CFAP44: variants seen among roughly 807,000 people sequenced by gnomAD.
The protein encoded by CFAP44 is cilia and flagella associated protein 44.
A neutral mutation model predicts 216.2 loss-of-function variants in CFAP44; 134 were observed. That is an observed-to-expected ratio of 0.62 (90% CI 0.54 to 0.72). CFAP44 has a LOEUF of 0.72. Among genes scored for constraint, CFAP44 ranks in the 30% least tolerant of loss-of-function variants. The probability of loss-of-function intolerance (pLI) is 0.00; values close to 1 mark genes in which losing one functional copy is unlikely to be tolerated. For missense variants in CFAP44, 2,035 were observed against 2,182.1 expected, an observed-to-expected ratio of 0.93 and a Z score of 1.34; for synonymous variants, 700 against 727.6, an observed-to-expected ratio of 0.96 and a Z score of 0.61.
intron 2 of CFAP44, among the ~76,000 whole-genome samples, chr3:113,428,470 G>C (rs1935020739): frequency 6.6e-6 from 1 of 152,168 alleles, no homozygotes; most frequent in Admixed American, 6.5e-5. Context: ...AATCAAGCTG[G>C]CAAATCAACA....
chr3:113,309,504 T>C (rs1425072910), intron 28 of CFAP44, among the ~76,000 whole-genome samples: 1 of 152,172 alleles, frequency 6.6e-6, no homozygotes, highest in African/African-American at 2.4e-5. Context: ...GAATGATTTA[T>C]TTATAATATC....
At chr3:113,346,882 A>G (rs1249415641) in intron 22 of CFAP44, among the ~76,000 whole-genome samples, 2 of 152,172 alleles carry the variant, frequency 1.3e-5, no homozygotes, top group Non-Finnish European at 2.9e-5. Flanking sequence ...GCTCTTCACA[A>G]TAAATCTTGC....
At chr3:113,385,247 G>C (rs566852010) in intron 15 of CFAP44, among the ~76,000 whole-genome samples, 1 of 152,238 alleles carries the variant, frequency 6.6e-6, no homozygotes, top group South Asian at 2.1e-4. Flanking sequence ...CCAGTCTTGG[G>C]TATGTCTTTA....
chr3:113,348,656 A>G lies in CFAP44; in HGVS notation c.3066-3944T>C, dbSNP rs191668395. Among the ~76,000 whole-genome samples the G allele has an allele frequency of 4.0e-3, 609 of 152,258 alleles. 7 individuals are homozygous for G. The highest frequency in any genetic ancestry group is 0.014 in the African/African-American group (581 of 41,556). ...CCCCTGCCCAGAAGGAAATAAGCAA[A>G]GAAATCTCCAAGGGACCACAAAAAC... On this transcript the variant is annotated intron_variant, in intron 22 of 34. Transcript: ENST00000393845.
At chr3:113,425,236 G>A (rs1026267197) in intron 4 of CFAP44, among the ~76,000 whole-genome samples, 15 of 152,176 alleles carry the variant, frequency 9.9e-5, no homozygotes, top group African/African-American at 3.1e-4. Context: ...GCAAAACTGA[G>A]TCAGGGAGTA....
At chr3:113,411,506 T>C (rs1934471632) in intron 6 of CFAP44, among the ~76,000 whole-genome samples, 1 of 152,248 alleles carries the variant, frequency 6.6e-6, no homozygotes, top group Admixed American at 6.5e-5. Flanking sequence ...TTGGTCTATA[T>C]ATCTGTTTTA....
chr3:113,320,450 T>TGTG (rs1559910329), intron 28 of CFAP44, among the ~76,000 whole-genome samples: 262 of 112,604 alleles, frequency 2.3e-3, no homozygotes, highest in Non-Finnish European at 4.6e-3. Context: ...ATATGATATA[T>TGTG]ATTACATCTA....
chr3:113,354,486 G>A (rs1302325029), intron 22 of CFAP44, among the ~76,000 whole-genome samples: 10 of 152,186 alleles, frequency 6.6e-5, no homozygotes, highest in African/African-American at 2.4e-4. Context: ...AGGACTGTGG[G>A]TTGCATGGGA....
intron 15 of CFAP44, among the ~76,000 whole-genome samples, chr3:113,389,785 A>G (rs1052598333): frequency 2.0e-5 from 3 of 152,116 alleles, no homozygotes; most frequent in African/African-American, 7.2e-5. Context: ...GACACATACA[A>G]CCTACCAAGA....
intron 33 of CFAP44, 27 bp from the exon 34 acceptor site, chr3:113,294,848 G>C: frequency 2.0e-6 from 3 of 1,508,982 alleles, no homozygotes; most frequent in Non-Finnish European, 2.6e-6. Context: ...ATGCAAAATA[G>C]ATGTAGTGAA....
chr3:113,355,327 T>C (rs1950483640), intron 22 of CFAP44, among the ~76,000 whole-genome samples: 1 of 152,176 alleles, frequency 6.6e-6, no homozygotes, highest in Non-Finnish European at 1.5e-5. Flanking sequence ...AATATCAACC[T>C]GGCCAAGATG....
chr3:113,419,791 C>T (rs1320254932), intron 5 of CFAP44, among the ~76,000 whole-genome samples: 1 of 152,066 alleles, frequency 6.6e-6, no homozygotes, highest in Non-Finnish European at 1.5e-5. Context: ...TCCTTATCTG[C>T]AAAAAGACAT....
At chr3:113,425,022 C>T (rs1286718324) in intron 4 of CFAP44, among the ~76,000 whole-genome samples, 1 of 151,842 alleles carries the variant, frequency 6.6e-6, no homozygotes, top group Non-Finnish European at 1.5e-5. Flanking sequence ...CCAGGGGACT[C>T]TAATATACCA....
intron 25 of CFAP44, among the ~76,000 whole-genome samples, chr3:113,331,656 G>T (rs987724547): frequency 6.6e-6 from 1 of 151,616 alleles, no homozygotes; most frequent in Non-Finnish European, 1.5e-5. Context: ...CTGAAGGACT[G>T]CAGATTAGGC....
chr3:113,394,127 G>C (rs893259522), intron 15 of CFAP44, among the ~76,000 whole-genome samples: 1 of 152,086 alleles, frequency 6.6e-6, no homozygotes, highest in Non-Finnish European at 1.5e-5. Flanking sequence ...TCTACCACTG[G>C]TTACATGTTA....
chr3:113,305,264 G>T, intron 30 of CFAP44, 112 bp from the exon 31 acceptor site: 1 of 891,972 alleles, frequency 1.1e-6, no homozygotes, highest in Non-Finnish European at 1.7e-6. Context: ...AATCTGCTTT[G>T]TTGGGCTGTG....
chr3:113,332,718 G>C (rs747591094), intron 25 of CFAP44, among the ~76,000 whole-genome samples: 10 of 152,148 alleles, frequency 6.6e-5, no homozygotes, highest in Admixed American at 1.3e-4. Context: ...GATTGAAAGT[G>C]GTTTGGAAGA....
intron 28 of CFAP44, among the ~76,000 whole-genome samples, chr3:113,314,743 T>C (rs545172256): frequency 6.6e-6 from 1 of 152,218 alleles, no homozygotes; most frequent in African/African-American, 2.4e-5. Context: ...AAGTATATTA[T>C]AAATGGGGGA....
chr3:113,383,970 A>C lies in CFAP44; in HGVS notation c.1891-2910T>G, dbSNP rs962833673. On this transcript the variant is annotated intron_variant, in intron 15 of 34. Transcript: ENST00000393845. ...CTGTGTCCATGTGTTCTCATTGTTC[A>C]ACTTCCACTTATGAGTGAGAACATG... 2.0e-5 allele frequency among the ~76,000 whole-genome samples: 3 copies of C among 150,598 alleles called. No individual in the cohort carries two copies. The South Asian group carries it at 6.3e-4, about 32-fold the overall frequency.
Sources: gnomAD v4.1 joint callset for allele counts (sites outside exome capture counted in the v4.1 genomes callset) on GRCh38, gnomAD v4.1.1 for gene constraint, MANE v1.5 for transcripts, NCBI Gene and HGNC (gene_info 2026-07-23, HGNC 2026-07-21) for gene names.